Variants in PCDHGA2 observed in about 807,000 individuals in gnomAD.
The protein encoded by PCDHGA2 is protocadherin gamma-A2.
PCDHGA2 carries 40 observed loss-of-function variants against 59.2 expected under a neutral mutation model. The ratio of observed to expected loss-of-function variants is 0.68; its 90% CI spans 0.52 to 0.88. PCDHGA2 has a LOEUF of 0.88. Ranked by LOEUF, PCDHGA2 falls within the 40% of genes least tolerant of loss-of-function variation. The pLI is 0.00. For synonymous variants in PCDHGA2, 560 were observed against 526.0 expected (o/e 1.06, Z -0.89); for missense variants, 1,226 against 1,204.0 (o/e 1.02, Z -0.27).
chr5:141,340,720 G>A lies in PCDHGA2; in HGVS notation c.1749G>A (p.Glu583=). ...TGVELAPRSA[E]PGYLVTKVVA... The stretch of plus-strand genomic sequence containing the variant: ...TGGAGCTGGCGCCCCGCTCCGCAGA[G>A]CCCGGCTACCTGGTGACCAAGGTGG... Residue 583 remains glutamate (E), a synonymous_variant, in exon 1 of 4, where the codon GAG becomes GAA. Transcript: ENST00000394576. The A allele has an allele frequency of 3.7e-6, 6 of 1,614,068 alleles. No homozygotes were observed. The highest frequency in any genetic ancestry group is 2.2e-5 in the East Asian group (1 of 44,846).
chr5:141,431,960 T>C lies in PCDHGA2; in HGVS notation c.2425-62847T>C. On this transcript the variant is annotated intron_variant, in intron 1 of 3. Transcript: ENST00000394576. This position sits in a 1 kb window ranked among gnomAD's most constrained non-coding sequence, Gnocchi z 4.8. ...TAAATTAGAAAAATCTTACGGAAAT[T>C]ACTATAGTTTAGTCACAGACATAGT... The C allele has an allele frequency of 3.7e-6, 6 of 1,614,166 alleles. No individual in the cohort carries two copies. Among genetic ancestry groups the C allele is most frequent in the Non-Finnish European group, 5.1e-6 (6 of 1,180,034 alleles).
At chr5:141,393,710 G>A (rs143738602) in intron 1 of PCDHGA2, 4 of 1,613,794 alleles carry the variant, frequency 2.5e-6, no homozygotes, top group Non-Finnish European at 3.4e-6. Flanking sequence ...AAAATACTGG[G>A]GAAATATCAA....
chr5:141,486,505 T>C lies in PCDHGA2; in HGVS notation c.2425-8302T>C. The C allele has an allele frequency of 6.2e-7, 1 of 1,614,156 alleles. No individual in the cohort carries two copies. ...GTACCCACAGAACTATTTTCCTCAA[T>C]ATTTCAGATGTGAATGATAATCCAC... is the stretch of plus-strand genomic sequence containing the variant. On this transcript the variant is annotated intron_variant, in intron 1 of 3. Coordinates refer to ENST00000394576, the MANE Select transcript of PCDHGA2 (RefSeq NM_018915.4). The surrounding 1 kb of genome is among the most constrained non-coding windows in gnomAD (Gnocchi z 5.0).
chr5:141,491,612 G>A lies in PCDHGA2; in HGVS notation c.2425-3195G>A, dbSNP rs759955730. ...GACGGCAGTGACTTCACTTTTCTAAGACCCCTCAGCGTTCAGCAGCCCACA... is the reference window on the plus strand; with the variant it reads ...GACGGCAGTGACTTCACTTTTCTAAAACCCCTCAGCGTTCAGCAGCCCACA... On this transcript the variant is annotated intron_variant, in intron 1 of 3. Coordinates refer to ENST00000394576, the MANE Select transcript of PCDHGA2 (RefSeq NM_018915.4). The surrounding 1 kb of genome is among the most constrained non-coding windows in gnomAD (Gnocchi z 6.9). 6.2e-7 allele frequency: 1 copy of A among 1,613,906 alleles called. No individual in the cohort carries two copies. The highest frequency in any genetic ancestry group is 8.5e-7 in the Non-Finnish European group (1 of 1,180,026).
intron 1 of PCDHGA2, among the ~76,000 whole-genome samples, chr5:141,435,590 A>G (rs1005651004): frequency 3.3e-5 from 5 of 152,210 alleles, no homozygotes; most frequent in African/African-American, 7.2e-5. Context: ...TTGCAGTAAT[A>G]TCGCCTGCTT....
rs56172360 is a variant in PCDHGA2, at chr5:141,369,006, T to C, written c.2424+27611T>C. 9.9e-3 allele frequency among the ~76,000 whole-genome samples: 1,506 copies of C among 152,332 alleles called. 25 individuals are homozygous for C. Among genetic ancestry groups the C allele is most frequent in the African/African-American group, 0.034 (1,404 of 41,566 alleles). ...TAAGGTGAATTCGGTGTGGAACTCA[T>C]TGCTTATTGCTGCACACTTGCCTAG... On this transcript the variant is annotated intron_variant, in intron 1 of 3. Transcript: ENST00000394576.
intron 1 of PCDHGA2, chr5:141,389,498 A>C: frequency 6.2e-7 from 1 of 1,613,046 alleles, no homozygotes; most frequent in African/African-American, 1.3e-5. Context: ...AGGGCTCGCC[A>C]GCGCTCAGCG....
intron 1 of PCDHGA2, chr5:141,413,818 G>T: frequency 6.2e-7 from 1 of 1,613,138 alleles, no homozygotes; most frequent in Non-Finnish European, 8.5e-7. Context: ...TCACCACCTG[G>T]TCCTCACCGC....
intron 1 of PCDHGA2, chr5:141,475,839 CAG>C: frequency 2.3e-6 from 1 of 433,254 alleles, no homozygotes; most frequent in Non-Finnish European, 4.1e-6. Flanking sequence ...GTGTCCTGCT[CAG>C]AGAGCCCGGC....
In PCDHGA2 at chr5:141,482,160, T is replaced by C. The variant is rs577572891; in HGVS notation, c.2425-12647T>C. Reference sequence around the variant, plus strand: ...GCATAAAAAGGTCAAGTCAAAGATATGTAAGATTAAGGCTTTACGATGCTC... The same window carrying C: ...GCATAAAAAGGTCAAGTCAAAGATACGTAAGATTAAGGCTTTACGATGCTC... On this transcript the variant is annotated intron_variant, in intron 1 of 3. Coordinates refer to ENST00000394576, the MANE Select transcript of PCDHGA2 (RefSeq NM_018915.4). 1.6e-4 allele frequency among the ~76,000 whole-genome samples: 25 copies of C among 151,966 alleles called. No homozygotes were observed. In the South Asian group the frequency reaches 4.0e-3, roughly 24 times the overall value.
rs1212478322 is a variant in PCDHGA2 at position 141,485,871 on chromosome 5, T to G, written c.2425-8936T>G. ...ACCGCAGAGCTCCGGGTATCCGTGC[T>G]GGACGTAAACGACAACGCCCCAGCC... On this transcript the variant is annotated intron_variant, in intron 1 of 3. Coordinates refer to ENST00000394576, the MANE Select transcript of PCDHGA2 (RefSeq NM_018915.4). The surrounding 1 kb of genome is among the most constrained non-coding windows in gnomAD (Gnocchi z 5.7). 6.2e-7 allele frequency: 1 copy of G among 1,614,196 alleles called. No homozygotes were observed. The highest frequency in any genetic ancestry group is 8.5e-7 in the Non-Finnish European group (1 of 1,180,032).
At chr5:141,389,055 A>G in intron 1 of PCDHGA2, 1 of 1,613,996 alleles carries the variant, frequency 6.2e-7, no homozygotes, top group South Asian at 1.1e-5. Context: ...TGTTCCATTT[A>G]AAATATTAAC....
At chr5:141,393,617 C>A (rs746699091) in intron 1 of PCDHGA2, 4 of 1,613,770 alleles carry the variant, frequency 2.5e-6, no homozygotes, top group African/African-American at 2.7e-5. Context: ...CAGCCAGCGA[C>A]CCGGATGAGG....
At chr5:141,472,000 C>T (rs935165645) in intron 1 of PCDHGA2, among the ~76,000 whole-genome samples, 3 of 151,852 alleles carry the variant, frequency 2.0e-5, no homozygotes, top group African/African-American at 4.8e-5. Flanking sequence ...ATCCCTGCAT[C>T]GTATAGGGGC....
intron 1 of PCDHGA2, chr5:141,408,178 G>A (rs1425207794): frequency 1.3e-6 from 2 of 1,535,708 alleles, no homozygotes; most frequent in Non-Finnish European, 1.8e-6. Context: ...GAAAAGCGGG[G>A]ACCCAGCGAG....
At chr5:141,495,356 C>A (rs889897990) in intron 2 of PCDHGA2, among the ~76,000 whole-genome samples, 3 of 152,222 alleles carry the variant, frequency 2.0e-5, no homozygotes, top group Non-Finnish European at 4.4e-5. Flanking sequence ...GGCAGCACAG[C>A]TGGAGGTGGA....
intron 1 of PCDHGA2, chr5:141,375,524 G>A (rs746416710): frequency 1.9e-6 from 3 of 1,613,986 alleles, no homozygotes; most frequent in Middle Eastern, 1.6e-4. Flanking sequence ...GGACCCTGAC[G>A]TGGACCAGAA....
At chr5:141,344,539 A>G (rs374690616) in intron 1 of PCDHGA2, 20 of 1,613,914 alleles carry the variant, frequency 1.2e-5, no homozygotes, top group Admixed American at 3.3e-5. Context: ...TCCCTGCAGA[A>G]CTACAAGCTT....
At chr5:141,400,065 A>G (rs1012484805) in intron 1 of PCDHGA2, 3 of 1,613,758 alleles carry the variant, frequency 1.9e-6, no homozygotes, top group African/African-American at 1.3e-5. Flanking sequence ...GTGATGGTGG[A>G]CAGCCGCCAC....
Sources: gnomAD v4.1 joint callset for allele counts (sites outside exome capture counted in the v4.1 genomes callset) on GRCh38, gnomAD v4.1.1 for gene constraint, Gnocchi (gnomAD v3.1) non-coding constraint, MANE v1.5 for transcripts, NCBI Gene and HGNC (gene_info 2026-07-23, HGNC 2026-07-21) for gene names.